Variants in ARHGAP36 observed in about 807,000 individuals in gnomAD.
ARHGAP36 encodes the protein Rho GTPase activating protein 36, also known as rho GTPase-activating protein 36.
A neutral mutation model predicts 32.9 loss-of-function variants in ARHGAP36; 7 were observed. That is an observed-to-expected ratio of 0.21 (90% CI 0.12 to 0.40). The LOEUF (loss-of-function observed/expected upper bound fraction) is 0.40, where lower values mean the gene tolerates loss of function less well. ARHGAP36 is among the 10% of genes least tolerant of loss of function. The pLI, the probability that ARHGAP36 is intolerant of heterozygous loss-of-function variation, is 1.00. For missense variants in ARHGAP36, 383 were observed against 442.2 expected, an observed-to-expected ratio of 0.87 and a Z score of 1.20; for synonymous variants, 165 against 168.3, an observed-to-expected ratio of 0.98 and a Z score of 0.15.
intron 1 of ARHGAP36, among the ~76,000 whole-genome samples, chrX:131,063,802 T>G (rs1297268492): frequency 1.8e-5 from 2 of 109,638 alleles, no homozygotes; most frequent in Non-Finnish European, 3.8e-5. Flanking sequence ...GACTTGCTTT[T>G]GTCTCTAGAG....
intron 1 of ARHGAP36, among the ~76,000 whole-genome samples, chrX:131,069,806 C>T (rs1182450398): frequency 8.9e-6 from 1 of 112,324 alleles, no homozygotes. Flanking sequence ...CTTACAAGGA[C>T]TTCCTAACTC....
intron 1 of ARHGAP36, among the ~76,000 whole-genome samples, chrX:131,063,160 C>T (rs1034427987): frequency 3.6e-5 from 4 of 111,886 alleles, no homozygotes; most frequent in East Asian, 2.8e-4. Flanking sequence ...CTGTTTCCTT[C>T]GGCAGTATCA....
Position 131,088,788 on chromosome X carries a change from GT to G in ARHGAP36, c.*8del. Reference sequence around the variant, plus strand: ...GCGTCAGCTACTTCTTTCCTTAGATGTTTTTCCTTCTATAAGGTGCCAGACA... The same window carrying G: ...GCGTCAGCTACTTCTTTCCTTAGATGTTTTCCTTCTATAAGGTGCCAGACA... On this transcript the variant is annotated 3_prime_UTR_variant, in exon 12 of 12. Transcript: ENST00000276211. 8.3e-7 allele frequency: 1 copy of G among 1,203,179 alleles called. No individual in the cohort carries two copies. Among genetic ancestry groups the G allele is most frequent in the Non-Finnish European group, 1.1e-6 (1 of 892,146 alleles).
chrX:131,058,710 C>G (rs930366630), intron 1 of ARHGAP36, among the ~76,000 whole-genome samples: 13 of 113,492 alleles, frequency 1.1e-4, no homozygotes, highest in African/African-American at 3.5e-4. Context: ...GGCTCAGCCG[C>G]CGGCAGGGAC....
chrX:131,071,811 C>A (rs774126126), intron 1 of ARHGAP36, among the ~76,000 whole-genome samples: 15 of 111,568 alleles, frequency 1.3e-4, no homozygotes, highest in African/African-American at 4.6e-4. Flanking sequence ...TCTTCTCTTT[C>A]TTCTCCATTT....
chrX:131,072,746 G>A (rs1158667024), intron 1 of ARHGAP36, among the ~76,000 whole-genome samples: 1 of 111,574 alleles, frequency 9.0e-6, no homozygotes, highest in African/African-American at 3.3e-5. Flanking sequence ...AAGATTGTGG[G>A]GTACAGTGAG....
chrX:131,082,591 G>A (rs768044750), intron 2 of ARHGAP36, among the ~76,000 whole-genome samples: 2 of 113,424 alleles, frequency 1.8e-5, no homozygotes, highest in Admixed American at 9.2e-5. Context: ...AGTGCTGGGG[G>A]TGGCAGCTTC....
chrX:131,065,831 G>A (rs1569364131), intron 1 of ARHGAP36, among the ~76,000 whole-genome samples: 1 of 111,819 alleles, frequency 8.9e-6, no homozygotes, highest in South Asian at 3.8e-4. Context: ...CCAGATGAAA[G>A]GGCACAATAA....
chrX:131,059,258 A>G (rs1203672543), intron 1 of ARHGAP36, among the ~76,000 whole-genome samples: 3 of 111,851 alleles, frequency 2.7e-5, no homozygotes, highest in Non-Finnish European at 5.6e-5. Context: ...TTAAAGTTTC[A>G]GGAGACTGAT....
At position 131,084,349 on chromosome X, in the gene ARHGAP36, G is replaced by C. The variant is rs1291015079; in HGVS notation, c.690G>C (p.Pro230=). 8 of 1,210,644 alleles carry C rather than the reference G, an allele frequency of 6.6e-6. No individual in the cohort carries two copies. Among genetic ancestry groups the C allele is most frequent in the Non-Finnish European group, 8.9e-6 (8 of 895,235 alleles). ...LGSKRKMSLN[P]IAKQIPQVVE... is the part of the protein sequence containing the mutation. Reference sequence around the variant, plus strand: ...CCAAAAGGAAGATGAGTCTCAATCCGATTGCGAAACAAATCCCCCAGGTTG... The same window carrying C: ...CCAAAAGGAAGATGAGTCTCAATCCCATTGCGAAACAAATCCCCCAGGTTG... The change falls in exon 5 of 12, where the codon CCG becomes CCC. Residue 230 remains proline, a synonymous_variant. Transcript: ENST00000276211.
At chrX:131,073,350 G>A (rs765812451) in intron 1 of ARHGAP36, among the ~76,000 whole-genome samples, 1 of 112,306 alleles carries the variant, frequency 8.9e-6, no homozygotes, top group Non-Finnish European at 1.9e-5. Flanking sequence ...GCTCTGCAGC[G>A]CAGTGGCAGC....
chrX:131,070,943 C>T (rs2079730364), intron 1 of ARHGAP36, among the ~76,000 whole-genome samples: 3 of 109,608 alleles, frequency 2.7e-5, no homozygotes, highest in African/African-American at 1.0e-4. Context: ...CGGCGACACC[C>T]TCTCCCACCT....
chrX:131,081,776 A>T lies in ARHGAP36; in HGVS notation c.111A>T (p.Gly37=). ...TTTTTTTAGTGAGTGTCTTGGGAGGAGCCCCAGGACACAACCCCGACCGCA... is the reference window on the plus strand; with the variant it reads ...TTTTTTTAGTGAGTGTCTTGGGAGGTGCCCCAGGACACAACCCCGACCGCA... The part of the protein sequence containing the change: ...AFIFLVSVLG[G]APGHNPDRRT... Residue 37 remains glycine (G), a synonymous_variant, in exon 2 of 12, where the codon GGA becomes GGT. Coordinates refer to ENST00000276211, the MANE Select transcript of ARHGAP36 (RefSeq NM_144967.4). The T allele has an allele frequency of 8.3e-7, 1 of 1,211,247 alleles. No individual in the cohort carries two copies. Among genetic ancestry groups the T allele is most frequent in the Non-Finnish European group, 1.1e-6 (1 of 895,402 alleles).
chrX:131,089,021 C>A lies in ARHGAP36; in HGVS notation c.*236C>A. On this transcript the variant is annotated 3_prime_UTR_variant, in exon 12 of 12. Transcript: ENST00000276211. ...GTTTCTGTGTCATGCCCAAGCTCCC[C>A]GGTGCTACCTTGCCTTTCTCTTTTA... 2.7e-6 allele frequency: 1 copy of A among 369,614 alleles called. No individual in the cohort carries two copies. The highest frequency in any genetic ancestry group is 4.4e-6 in the Non-Finnish European group (1 of 226,271). The allele number at this position is 369,614 out of a possible 1,213,427, so 30.5% of individuals were successfully genotyped here.
chrX:131,088,598 T>C (rs1158641868), intron 11 of ARHGAP36, 30 bp from the exon 12 acceptor site: 1 of 1,199,382 alleles, frequency 8.3e-7, no homozygotes, highest in Admixed American at 2.2e-5. Context: ...TCTAGAAACA[T>C]AAGGAGTTAA....
chrX:131,081,846 C>T lies in ARHGAP36; in HGVS notation c.181C>T (p.Leu61=), dbSNP rs752113848. The part of the protein sequence containing the change: ...SIHSLSELER[L]KLQETAYHEL... The stretch of plus-strand genomic sequence containing the variant: ...ACACAGCCTCTCTGAGCTGGAGCGT[C>T]TGAAGCTGCAAGAGACTGCTTACCA... Residue 61 remains leucine, a synonymous_variant, in exon 2 of 12, where the codon CTG becomes TTG. Coordinates refer to ENST00000276211, the MANE Select transcript of ARHGAP36 (RefSeq NM_144967.4). The T allele has an allele frequency of 8.3e-7, 1 of 1,210,609 alleles. No individual in the cohort carries two copies. The highest frequency in any genetic ancestry group is 1.7e-5 in the African/African-American group (1 of 57,282).
chrX:131,084,267 T>A lies in ARHGAP36; in HGVS notation c.608T>A (p.Leu203Gln). Residue 203 changes from leucine to glutamine, a missense_variant, in exon 5 of 12, where the codon CTG becomes CAG. By Grantham distance (113) the Leu-to-Gln change is moderately radical. Coordinates refer to ENST00000276211, the MANE Select transcript of ARHGAP36 (RefSeq NM_144967.4). ...GAGCTGGAAGACGGAGCCCTGCTGC[T>A]GCAGACCCTGCAGCTTTCAAAAATT... The part of the protein sequence containing the change: ...LAELEDGALL[L>Q]QTLQLSKISF... 2.5e-6 allele frequency: 3 copies of A among 1,211,442 alleles called. No individual in the cohort carries two copies. The highest frequency in any genetic ancestry group is 3.4e-6 in the Non-Finnish European group (3 of 895,327).
intron 1 of ARHGAP36, among the ~76,000 whole-genome samples, chrX:131,069,102 G>C (rs1193854168): frequency 8.9e-6 from 1 of 112,101 alleles, no homozygotes; most frequent in Non-Finnish European, 1.9e-5. Context: ...GTCGCTAACG[G>C]TGCTTTGCAC....
intron 1 of ARHGAP36, among the ~76,000 whole-genome samples, chrX:131,075,950 T>C (rs1328502633): frequency 8.9e-6 from 1 of 111,773 alleles, no homozygotes. Context: ...TCTTAGTTTG[T>C]TGCTATTGTA....
Sources: gnomAD v4.1 joint callset for allele counts (sites outside exome capture counted in the v4.1 genomes callset) on GRCh38, gnomAD v4.1.1 for gene constraint, MANE v1.5 for transcripts, NCBI Gene and HGNC (gene_info 2026-07-23, HGNC 2026-07-21) for gene names.